The following NR2C1 variants were observed in gnomAD, a reference collection of about 807,000 sequenced individuals.
NR2C1 encodes nuclear receptor subfamily 2 group C member 1.
In NR2C1, 33 loss-of-function variants were observed where a neutral mutation model predicts 74.8. The ratio of observed to expected loss-of-function variants is 0.44; its 90% CI spans 0.33 to 0.59. The LOEUF (loss-of-function observed/expected upper bound fraction) is 0.59. NR2C1 is among the 20% of genes least tolerant of loss of function. NR2C1 has a pLI of 0.02. For missense variants in NR2C1, 568 were observed against 715.6 expected (o/e 0.79, Z 2.35); for synonymous variants, 225 against 240.6 (o/e 0.94, Z 0.60).
chr12:95,057,813 T>C lies in NR2C1; in HGVS notation c.610A>G (p.Thr204Ala), dbSNP rs2136177551. ...REKSSNCAAS[T>A]EKIYIRKDLR... ...TCCTTTCGGATATAGATTTTTTCTG[T>C]TGAAGCGGCACAGTTGGAAGATTTT... The change falls in exon 6 of 14, where the codon ACA becomes GCA. Residue 204 changes from threonine (T) to alanine (A), a missense_variant. Transcript: ENST00000333003. 1 of 1,614,122 alleles carries C rather than the reference T, an allele frequency of 6.2e-7. No individual in the cohort carries two copies. Among genetic ancestry groups the C allele is most frequent in the Non-Finnish European group, 8.5e-7 (1 of 1,179,960 alleles).
At chr12:95,054,909 A>G (rs931167279) in intron 7 of NR2C1, among the ~76,000 whole-genome samples, 4 of 152,194 alleles carry the variant, frequency 2.6e-5, no homozygotes, top group African/African-American at 9.7e-5. Flanking sequence ...GCAGCGTTCC[A>G]CAGTGTTTGT....
At chr12:95,023,953 C>CTGG (rs1175126022) in intron 13 of NR2C1, among the ~76,000 whole-genome samples, 2 of 152,162 alleles carry the variant, frequency 1.3e-5, no homozygotes, top group Non-Finnish European at 2.9e-5. Flanking sequence ...GCCTTGCACT[C>CTGG]TAACACCTCA....
chr12:95,050,043 C>T (rs555047827), intron 8 of NR2C1, among the ~76,000 whole-genome samples: 1 of 152,228 alleles, frequency 6.6e-6, no homozygotes, highest in East Asian at 1.9e-4. Context: ...TCAAGCAATC[C>T]TGCCACCTTG....
At chr12:95,056,726 A>G (rs1019248594) in intron 7 of NR2C1, among the ~76,000 whole-genome samples, 12 of 152,332 alleles carry the variant, frequency 7.9e-5, no homozygotes, top group Non-Finnish European at 1.3e-4. Context: ...TGGGAGGCCA[A>G]GGCGGGTGGA....
chr12:95,061,752 A>G (rs1274721352), intron 3 of NR2C1, among the ~76,000 whole-genome samples: 1 of 152,250 alleles, frequency 6.6e-6, no homozygotes, highest in Non-Finnish European at 1.5e-5. Flanking sequence ...AAGTTTCTGA[A>G]GGCAAACTTC....
At chr12:95,068,381 T>G (rs1349379682) in intron 1 of NR2C1, among the ~76,000 whole-genome samples, 1 of 152,204 alleles carries the variant, frequency 6.6e-6, no homozygotes, top group Non-Finnish European at 1.5e-5. Flanking sequence ...GAATTTGGGA[T>G]TCATATGATT....
At position 95,058,509 on chromosome 12, in the gene NR2C1, G is replaced by C; in HGVS notation, c.365-20C>G. Reference sequence around the variant, plus strand: ...GACGTCCTAGAGAGAAAATGTTTAAGAAAATATAAAAGTCACATTATTTCA... The same window carrying C: ...GACGTCCTAGAGAGAAAATGTTTAACAAAATATAAAAGTCACATTATTTCA... On this transcript the variant is annotated intron_variant, in intron 4 of 13. Coordinates refer to ENST00000333003, the MANE Select transcript of NR2C1 (RefSeq NM_003297.4). The C allele has an allele frequency of 6.3e-7, 1 of 1,587,060 alleles. No individual in the cohort carries two copies. Among genetic ancestry groups the C allele is most frequent in the Non-Finnish European group, 8.6e-7 (1 of 1,165,108 alleles).
At chr12:95,072,346 C>G (rs1350330730) in intron 1 of NR2C1, among the ~76,000 whole-genome samples, 2 of 149,358 alleles carry the variant, frequency 1.3e-5, no homozygotes, top group Middle Eastern at 3.6e-3. Context: ...CCCAGCTACT[C>G]GGGAGGCTGA....
At chr12:95,031,319 C>T (rs1469416891) in intron 11 of NR2C1, 30 bp downstream of exon 11, 1 of 1,511,298 alleles carries the variant, frequency 6.6e-7, no homozygotes. Context: ...CCTCCTACAA[C>T]CTGGAAAAGG....
chr12:95,050,001 T>C (rs1872765209), intron 8 of NR2C1, among the ~76,000 whole-genome samples: 1 of 152,132 alleles, frequency 6.6e-6, no homozygotes, highest in African/African-American at 2.4e-5. Flanking sequence ...GGCCTCACTA[T>C]GTTGCTAAGG....
intron 10 of NR2C1, 67 bp from the exon 11 acceptor site, chr12:95,031,555 T>C: frequency 4.9e-6 from 6 of 1,229,278 alleles, no homozygotes; most frequent in Non-Finnish European, 6.6e-6. Flanking sequence ...ACCTTACAGC[T>C]AGTCCAAATA....
At chr12:95,054,711 A>C (rs940700554) in intron 7 of NR2C1, among the ~76,000 whole-genome samples, 2 of 152,234 alleles carry the variant, frequency 1.3e-5, no homozygotes, top group African/African-American at 2.4e-5. Flanking sequence ...TTAGAAGCTT[A>C]TATAGTCTCT....
At chr12:95,038,772 T>C (rs1278479648) in intron 10 of NR2C1, among the ~76,000 whole-genome samples, 1 of 152,166 alleles carries the variant, frequency 6.6e-6, no homozygotes. Flanking sequence ...AATAGACTAA[T>C]TGTTCTCCAG....
At chr12:95,041,401 G>C (rs902387852) in intron 9 of NR2C1, among the ~76,000 whole-genome samples, 6 of 152,128 alleles carry the variant, frequency 3.9e-5, no homozygotes, top group Non-Finnish European at 7.4e-5. Context: ...GGAATTGCTT[G>C]AACCTGGGAA....
At chr12:95,057,024 A>G (rs933250091) in intron 7 of NR2C1, among the ~76,000 whole-genome samples, 1 of 150,804 alleles carries the variant, frequency 6.6e-6, no homozygotes, top group African/African-American at 2.4e-5. Context: ...GTATTTCAAG[A>G]TGAGGGAAGA....
intron 7 of NR2C1, among the ~76,000 whole-genome samples, chr12:95,056,523 C>T (rs1873903123): frequency 6.6e-6 from 1 of 152,136 alleles, no homozygotes; most frequent in African/African-American, 2.4e-5. Context: ...AGTCCTATTC[C>T]TACTCTTGAC....
intron 1 of NR2C1, among the ~76,000 whole-genome samples, chr12:95,072,476 A>G (rs1876846259): frequency 6.8e-6 from 1 of 146,402 alleles, no homozygotes; most frequent in African/African-American, 2.6e-5. Flanking sequence ...AAAAAAAAAG[A>G]AAAAAAAATC....
Position 95,031,589 on chromosome 12 carries a change from C to G in NR2C1, c.1254-101G>C, listed in dbSNP as rs531823900. The G allele has an allele frequency of 1.7e-5, 14 of 809,628 alleles. 1 individual carries two copies. The highest frequency in any genetic ancestry group is 1.9e-5 in the Non-Finnish European group (11 of 570,228). The allele number at this position is 809,628 out of a possible 1,614,324, so 50.2% of individuals were successfully genotyped here. ...TACTTAAAAACAGCATATTACTAAA[C>G]TAAAATTATTCTAGAAAGATTTGAG... is the stretch of plus-strand genomic sequence containing the variant. On this transcript the variant is annotated intron_variant, in intron 10 of 13. Transcript: ENST00000333003.
chr12:95,033,196 T>A (rs184179641), intron 10 of NR2C1, among the ~76,000 whole-genome samples: 1 of 149,964 alleles, frequency 6.7e-6, no homozygotes, highest in African/African-American at 2.4e-5. Context: ...ACTGGAGAAA[T>A]AGCAATTAAG....
Sources: gnomAD v4.1 joint callset for allele counts (sites outside exome capture counted in the v4.1 genomes callset) on GRCh38, gnomAD v4.1.1 for gene constraint, MANE v1.5 for transcripts, NCBI Gene and HGNC (gene_info 2026-07-23, HGNC 2026-07-21) for gene names.